Variants in EIPR1 observed in about 807,000 individuals in gnomAD.
EIPR1 encodes the protein EARP and GARP complex-interacting protein 1.
In EIPR1, 25 loss-of-function variants were observed where a neutral mutation model predicts 48.1. That is an observed-to-expected ratio of 0.52 (90% CI 0.38 to 0.73). EIPR1 has a LOEUF of 0.73. Among genes scored for constraint, EIPR1 ranks in the 30% least tolerant of loss-of-function variants. The probability of loss-of-function intolerance (pLI) is 0.00; values close to 1 mark genes in which losing one functional copy is unlikely to be tolerated. For missense variants in EIPR1, 415 were observed against 506.2 expected (o/e 0.82, Z 1.73); for synonymous variants, 204 against 201.9 (o/e 1.01, Z -0.09).
rs1416702993 is a variant in EIPR1 at position 3,294,561 on chromosome 2, C to G, written c.260-37106G>C. ...CCAGCCGATCCTCTCTACACACACCCTCCATCCAGCCGATCCTCTGCACAC... is the reference window on the plus strand; with the variant it reads ...CCAGCCGATCCTCTCTACACACACCGTCCATCCAGCCGATCCTCTGCACAC... On this transcript the variant is annotated intron_variant, in intron 3 of 8. Transcript: ENST00000382125. 2.7e-5 allele frequency among the ~76,000 whole-genome samples: 4 copies of G among 147,440 alleles called. No individual in the cohort carries two copies. In the South Asian group the frequency reaches 8.8e-4, roughly 32 times the overall value.
chr2:3,341,563 A>C (rs1226989666), intron 2 of EIPR1, among the ~76,000 whole-genome samples: 1 of 149,352 alleles, frequency 6.7e-6, no homozygotes, highest in Non-Finnish European at 1.5e-5. Context: ...AGGGGGTGTG[A>C]GTGTGAGGCA....
Position 3,194,108 on chromosome 2 carries a change from G to A in EIPR1, c.712C>T (p.Pro238Ser). 6 of 1,613,960 alleles carry A rather than the reference G, an allele frequency of 3.7e-6. No individual in the cohort carries two copies. Among genetic ancestry groups the A allele is most frequent in the South Asian group, 1.1e-5 (1 of 91,084 alleles). ...GQLVRDLDFN[P>S]NKQYYLASCG... ...CTGGCCAAGTAGTACTGCTTATTGG[G>A]ATTAAAGTCAAGGTCCCGCACCAGC... The change falls in exon 7 of 9, where the codon CCC becomes TCC. Residue 238 changes from proline to serine, a missense_variant. Transcript: ENST00000382125.
chr2:3,274,763 A>T (rs1246818098), intron 3 of EIPR1, among the ~76,000 whole-genome samples: 6 of 152,206 alleles, frequency 3.9e-5, no homozygotes, highest in African/African-American at 1.4e-4. Context: ...TAAAATTAAA[A>T]TACTGGCCAA....
chr2:3,317,430 C>T (rs1327735297), intron 3 of EIPR1, among the ~76,000 whole-genome samples: 6 of 151,182 alleles, frequency 4.0e-5, no homozygotes, highest in Non-Finnish European at 1.5e-5. Flanking sequence ...GAGCACGGAG[C>T]CCTGGGAGCG....
At chr2:3,244,227 G>A (rs753861791) in intron 4 of EIPR1, among the ~76,000 whole-genome samples, 2 of 152,158 alleles carry the variant, frequency 1.3e-5, no homozygotes, top group Non-Finnish European at 2.9e-5. Context: ...GGTAAAATGT[G>A]CTGTCTAAAA....
At chr2:3,293,995 A>C (rs1324438171) in intron 3 of EIPR1, among the ~76,000 whole-genome samples, 1 of 152,194 alleles carries the variant, frequency 6.6e-6, no homozygotes, top group African/African-American at 2.4e-5. Flanking sequence ...ATATGAACCT[A>C]AACAATTCTT....
At chr2:3,231,939 A>C (rs998881155) in intron 4 of EIPR1, among the ~76,000 whole-genome samples, 2 of 152,234 alleles carry the variant, frequency 1.3e-5, no homozygotes, top group African/African-American at 4.8e-5. Flanking sequence ...ATTTCGCAGA[A>C]TTCAGCAGTG....
chr2:3,296,426 A>C (rs1265769829), intron 3 of EIPR1, among the ~76,000 whole-genome samples: 132 of 24,968 alleles, frequency 5.3e-3, no homozygotes, highest in Middle Eastern at 0.029. Flanking sequence ...CCCCTCTGCA[A>C]ACACACACCC....
rs1253335990 is a variant in EIPR1, at chr2:3,235,437, C to A, written c.417-21189G>T. Among the ~76,000 whole-genome samples, 6 of 56,516 alleles carry A rather than the reference C, an allele frequency of 1.1e-4. 1 individual carries two copies. In the East Asian group the frequency reaches 4.6e-3, roughly 44 times the overall value. The allele number at this position is 56,516 out of a possible 152,430, so 37.1% of individuals were successfully genotyped here. ...ATGCGGGTGCGCACACACACACACA[C>A]ACGCGTGCGCGCACACACACACACA... is the stretch of plus-strand genomic sequence containing the variant. On this transcript the variant is annotated intron_variant, in intron 4 of 8. Transcript: ENST00000382125.
chr2:3,237,521 A>G (rs1666450744), intron 4 of EIPR1, among the ~76,000 whole-genome samples: 1 of 152,328 alleles, frequency 6.6e-6, no homozygotes, highest in East Asian at 1.9e-4. Flanking sequence ...GCACACAGGA[A>G]AAAGCACTGT....
At chr2:3,198,958 C>T (rs1664905651) in intron 5 of EIPR1, among the ~76,000 whole-genome samples, 1 of 150,294 alleles carries the variant, frequency 6.7e-6, no homozygotes, top group South Asian at 2.1e-4. Context: ...CTGGAATTTC[C>T]TAATCCTAGC....
intron 4 of EIPR1, among the ~76,000 whole-genome samples, chr2:3,256,059 T>A (rs1399003300): frequency 6.6e-6 from 1 of 152,200 alleles, no homozygotes; most frequent in Non-Finnish European, 1.5e-5. Context: ...CAAGACTGGC[T>A]GTGATTTTAA....
At chr2:3,207,004 G>A (rs1180145133) in intron 5 of EIPR1, among the ~76,000 whole-genome samples, 8 of 152,180 alleles carry the variant, frequency 5.3e-5, no homozygotes, top group Non-Finnish European at 1.0e-4. Flanking sequence ...GACACAGACT[G>A]CTTTCTGGGA....
rs970890029 is a variant in EIPR1 at position 3,219,947 on chromosome 2, G to A, written c.417-5699C>T. Among the ~76,000 whole-genome samples the A allele has an allele frequency of 2.6e-5, 4 of 152,334 alleles. No individual in the cohort carries two copies. The South Asian group carries it at 8.3e-4, about 32-fold the overall frequency. ...ACTAGGCCGCACAGCAGGAGGTGAG[G>A]AGTGGGCAAGTGACATTACAGCCTG... On this transcript the variant is annotated intron_variant, in intron 4 of 8. Transcript: ENST00000382125.
At chr2:3,265,408 G>A (rs554032888) in intron 3 of EIPR1, among the ~76,000 whole-genome samples, 1 of 152,214 alleles carries the variant, frequency 6.6e-6, no homozygotes, top group African/African-American at 2.4e-5. Context: ...CTGAAACTCT[G>A]AGGATTTCTG....
intron 2 of EIPR1, among the ~76,000 whole-genome samples, chr2:3,340,250 G>A (rs941151892): frequency 1.3e-5 from 2 of 152,224 alleles, no homozygotes; most frequent in African/African-American, 4.8e-5. Context: ...CCCAGCCAGT[G>A]CCCAGAGCCA....
chr2:3,306,287 T>TCC (rs1379654208), intron 3 of EIPR1, among the ~76,000 whole-genome samples: 1 of 152,218 alleles, frequency 6.6e-6, no homozygotes, highest in African/African-American at 2.4e-5. Context: ...TGTTCTCTTT[T>TCC]CCCCCCTTCT....
intron 3 of EIPR1, among the ~76,000 whole-genome samples, chr2:3,298,700 G>C (rs1247334849): frequency 6.6e-6 from 1 of 151,892 alleles, no homozygotes; most frequent in African/African-American, 2.4e-5. Flanking sequence ...TCCACACAAG[G>C]ATTGACAGCA....
intron 4 of EIPR1, among the ~76,000 whole-genome samples, chr2:3,219,061 C>T (rs1665761765): frequency 6.6e-6 from 1 of 151,454 alleles, no homozygotes; most frequent in South Asian, 2.1e-4. Context: ...GGTGCACACC[C>T]AACACGGCCC....
Sources: gnomAD v4.1 joint callset for allele counts (sites outside exome capture counted in the v4.1 genomes callset) on GRCh38, gnomAD v4.1.1 for gene constraint, MANE v1.5 for transcripts, NCBI Gene and HGNC (gene_info 2026-07-23, HGNC 2026-07-21) for gene names.